ADARB2: variants seen among roughly 807,000 people sequenced by gnomAD.
ADARB2 encodes the protein inactive double-stranded RNA-specific editase B2.
In ADARB2, 25 loss-of-function variants were observed where a neutral mutation model predicts 62.2. The ratio of observed to expected loss-of-function variants is 0.40; its 90% CI spans 0.29 to 0.56. The LOEUF (loss-of-function observed/expected upper bound fraction) is 0.56. ADARB2 is among the 20% of genes least tolerant of loss of function. ADARB2 has a pLI of 0.43. For missense variants in ADARB2, 1,071 were observed against 1,077.4 expected, an observed-to-expected ratio of 0.99 and a Z score of 0.08; for synonymous variants, 572 against 500.8, an observed-to-expected ratio of 1.14 and a Z score of -1.90.
intron 1 of ADARB2, among the ~76,000 whole-genome samples, chr10:1,614,938 G>A (rs1012969662): frequency 7.3e-5 from 11 of 151,428 alleles, no homozygotes; most frequent in African/African-American, 2.7e-4. Context: ...TGCCCTTTTT[G>A]TTTTGGGTTT....
chr10:1,185,097 C>T (rs1456636135), intron 8 of ADARB2, 58 bp from the exon 9 acceptor site: 6 of 1,558,986 alleles, frequency 3.8e-6, no homozygotes, highest in Non-Finnish European at 5.2e-6. Flanking sequence ...ACGGGGCTCC[C>T]CCAAGGGCAG....
At chr10:1,686,494 C>T (rs1005326448) in intron 1 of ADARB2, among the ~76,000 whole-genome samples, 9 of 152,134 alleles carry the variant, frequency 5.9e-5, no homozygotes, top group African/African-American at 1.7e-4. Context: ...ATGGTGGTTG[C>T]GTGATAAGAA....
At chr10:1,716,698 T>C (rs564717801) in intron 1 of ADARB2, among the ~76,000 whole-genome samples, 81 of 152,142 alleles carry the variant, frequency 5.3e-4, no homozygotes, top group African/African-American at 1.7e-3. Context: ...AATAAATATA[T>C]ATTACATGAA....
chr10:1,232,527 GTGTGGTATA>G (rs1215469018), intron 6 of ADARB2, among the ~76,000 whole-genome samples: 3 of 150,954 alleles, frequency 2.0e-5, no homozygotes, highest in African/African-American at 7.3e-5. Context: ...TGTGTGTGAT[GTGTGGTATA>G]TGTGGTATGT....
intron 1 of ADARB2, among the ~76,000 whole-genome samples, chr10:1,694,398 A>G (rs1003677390): frequency 1.3e-5 from 2 of 152,242 alleles, no homozygotes; most frequent in African/African-American, 4.8e-5. Flanking sequence ...ACTGGTGTGT[A>G]TACAATGTGT....
intron 3 of ADARB2, among the ~76,000 whole-genome samples, chr10:1,330,398 T>A (rs1589194698): frequency 6.6e-6 from 1 of 152,346 alleles, no homozygotes; most frequent in East Asian, 1.9e-4. Context: ...ATCACTCTAT[T>A]AATTTGTAAA....
Position 1,181,489 on chromosome 10 carries a change from G to T in ADARB2, c.*1704C>A, listed in dbSNP as rs578233404. On this transcript the variant is annotated 3_prime_UTR_variant, in exon 10 of 10. Coordinates refer to ENST00000381312, the MANE Select transcript of ADARB2 (RefSeq NM_018702.4). Reference sequence around the variant, plus strand: ...CCAGTACCTGTTTTCTTTTCTAAAAGAACTCGAGTGATAAATTTGGCCTGA... The same window carrying T: ...CCAGTACCTGTTTTCTTTTCTAAAATAACTCGAGTGATAAATTTGGCCTGA... 3 of 152,272 alleles carry T rather than the reference G, an allele frequency of 2.0e-5. No individual in the cohort carries two copies. The highest frequency in any genetic ancestry group is 4.1e-4 in the South Asian group (2 of 4,820). The allele number at this position is 152,272 out of a possible 1,614,324, so 9.4% of individuals were successfully genotyped here.
chr10:1,419,562 C>T (rs1331461693), intron 1 of ADARB2, among the ~76,000 whole-genome samples: 3 of 152,150 alleles, frequency 2.0e-5, no homozygotes, highest in Non-Finnish European at 2.9e-5. Context: ...CCTCACTGGG[C>T]GGAACCGGTA....
At position 1,375,798 on chromosome 10, in the gene ADARB2, A is replaced by G. The variant is rs7394138; in HGVS notation, c.187+3276T>C. 7.0e-4 allele frequency among the ~76,000 whole-genome samples: 82 copies of G among 117,800 alleles called. 2 individuals are homozygous for G. The South Asian group carries it at 0.01, about 14-fold the overall frequency. The allele number at this position is 117,800 out of a possible 152,430, so 77.3% of individuals were successfully genotyped here. ...CATGTGCACACACATGCACACACGC[A>G]CACACACACCACACACATGCACACA... On this transcript the variant is annotated intron_variant, in intron 2 of 9. Coordinates refer to ENST00000381312, the MANE Select transcript of ADARB2 (RefSeq NM_018702.4).
rs1278862509 is a variant in ADARB2 at position 1,363,763 on chromosome 10, C to T, written c.342G>A (p.Gln114=). 2 of 1,604,858 alleles carry T rather than the reference C, an allele frequency of 1.2e-6. No homozygotes were observed. Among genetic ancestry groups the T allele is most frequent in the Non-Finnish European group, 1.7e-6 (2 of 1,179,364 alleles). Residue 114 remains glutamine (Q), a synonymous_variant, in exon 3 of 10, where the codon CAG becomes CAA. Coordinates refer to ENST00000381312, the MANE Select transcript of ADARB2 (RefSeq NM_018702.4). ...EGNGGHLCKL[Q]LVWKKLSWSV... ...ACCACGACAGCTTCTTCCAGACCAG[C>T]TGCAGTTTGCACAAGTGGCCCCCAT... is the stretch of plus-strand genomic sequence containing the variant.
chr10:1,435,207 G>A (rs1164372031), intron 1 of ADARB2, among the ~76,000 whole-genome samples: 1 of 152,212 alleles, frequency 6.6e-6, no homozygotes, highest in Non-Finnish European at 1.5e-5. Context: ...TGCTGGCTGG[G>A]GGGCTGGGAG....
chr10:1,574,088 A>C (rs1003165303), intron 1 of ADARB2, among the ~76,000 whole-genome samples: 6 of 152,242 alleles, frequency 3.9e-5, no homozygotes, highest in Non-Finnish European at 2.9e-5. Flanking sequence ...ATACCCACAC[A>C]GGGAATCCTG....
chr10:1,476,458 T>C (rs1831402729), intron 1 of ADARB2, among the ~76,000 whole-genome samples: 1 of 152,182 alleles, frequency 6.6e-6, no homozygotes, highest in African/African-American at 2.4e-5. Flanking sequence ...AGTCCAGTTC[T>C]TGGGGGATAA....
intron 1 of ADARB2, among the ~76,000 whole-genome samples, chr10:1,646,638 C>G (rs1039726775): frequency 1.3e-5 from 2 of 152,254 alleles, no homozygotes; most frequent in Non-Finnish European, 2.9e-5. Flanking sequence ...GAGCAGGGCT[C>G]TGGACTCAAA....
At chr10:1,546,325 C>G (rs1832519170) in intron 1 of ADARB2, among the ~76,000 whole-genome samples, 1 of 152,200 alleles carries the variant, frequency 6.6e-6, no homozygotes, top group Non-Finnish European at 1.5e-5. Context: ...AGGTCAAAAC[C>G]CTGGTGTTTC....
chr10:1,263,944 A>G (rs1404673569), intron 4 of ADARB2, among the ~76,000 whole-genome samples: 1 of 152,206 alleles, frequency 6.6e-6, no homozygotes, highest in Non-Finnish European at 1.5e-5. Flanking sequence ...CATTCACACT[A>G]CGCAAGGGTC....
chr10:1,416,976 T>C (rs746704391), intron 1 of ADARB2, among the ~76,000 whole-genome samples: 14 of 152,038 alleles, frequency 9.2e-5, no homozygotes, highest in Non-Finnish European at 1.8e-4. Context: ...GGCTTAGGAG[T>C]TGTTACTGCA....
intron 1 of ADARB2, among the ~76,000 whole-genome samples, chr10:1,457,828 G>C (rs1440933507): frequency 6.7e-6 from 1 of 149,308 alleles, no homozygotes. Flanking sequence ...TCAATGACCA[G>C]CTCGTCTTCA....
At chr10:1,604,365 A>G (rs1833468972) in intron 1 of ADARB2, among the ~76,000 whole-genome samples, 1 of 152,188 alleles carries the variant, frequency 6.6e-6, no homozygotes, top group African/African-American at 2.4e-5. Context: ...CTGTTTCTAG[A>G]AGAAACTGAT....
Sources: gnomAD v4.1 joint callset for allele counts (sites outside exome capture counted in the v4.1 genomes callset) on GRCh38, gnomAD v4.1.1 for gene constraint, MANE v1.5 for transcripts, NCBI Gene and HGNC (gene_info 2026-07-23, HGNC 2026-07-21) for gene names.